The following KLF12 variants were observed in gnomAD, a reference collection of about 807,000 sequenced individuals.
KLF12 encodes the protein Krueppel-like factor 12.
In KLF12, 9 loss-of-function variants were observed where a neutral mutation model predicts 37.8. That is an observed-to-expected ratio of 0.24 (90% CI 0.14 to 0.42). The LOEUF (loss-of-function observed/expected upper bound fraction) is 0.42, where lower values mean the gene tolerates loss of function less well. KLF12 is among the 10% of genes least tolerant of loss of function. The pLI is 1.00. For missense variants in KLF12, 411 were observed against 516.0 expected (o/e 0.80, Z 1.97); for synonymous variants, 208 against 202.1 (o/e 1.03, Z -0.25).
In KLF12 at chr13:74,077,293, G is replaced by A. The variant is rs575749417; in HGVS notation, c.-32+56446C>T. Among the ~76,000 whole-genome samples the A allele has an allele frequency of 3.9e-5, 6 of 152,190 alleles. No homozygotes were observed. The South Asian group carries it at 1.2e-3, about 32-fold the overall frequency. The stretch of plus-strand genomic sequence containing the variant: ...GGGGACACATTCAAACTACAGCACT[G>A]TATTTGGACTATGAGTACTCCACAA... On this transcript the variant is annotated intron_variant, in intron 1 of 7. Transcript: ENST00000377669.
At chr13:74,190,841 C>A in the KLF12 span, among the ~76,000 whole-genome samples, 1 of 152,186 alleles carries the variant, frequency 6.6e-6, no homozygotes, top group Non-Finnish European at 1.5e-5. Context: ...TTCAATGTTT[C>A]AATGGCCATA....
intron 1 of KLF12, among the ~76,000 whole-genome samples, chr13:74,091,597 G>A (rs535817596): frequency 6.6e-6 from 1 of 152,266 alleles, no homozygotes; most frequent in African/African-American, 2.4e-5. Flanking sequence ...CATCTTGGTT[G>A]TTTCTAAACT....
intron 1 of KLF12, among the ~76,000 whole-genome samples, chr13:74,130,940 CAT>C (rs1309489033): frequency 6.6e-6 from 1 of 152,156 alleles, no homozygotes; most frequent in Non-Finnish European, 1.5e-5. Flanking sequence ...TTTGCAAAAA[CAT>C]AAAGTCCCAT....
upstream of KLF12, among the ~76,000 whole-genome samples, chr13:74,136,700 T>C (rs1011127014): frequency 1.4e-4 from 21 of 151,162 alleles, no homozygotes; most frequent in African/African-American, 5.1e-4. Flanking sequence ...GAAAACAAAC[T>C]ACAAGAATCC....
At chr13:74,077,415 C>T (rs1389187086) in intron 1 of KLF12, among the ~76,000 whole-genome samples, 2 of 152,202 alleles carry the variant, frequency 1.3e-5, no homozygotes, top group African/African-American at 4.8e-5. Flanking sequence ...TGGCTTCAAC[C>T]TGTAGCAAAA....
At chr13:74,017,205 A>C (rs1163234082) in intron 1 of KLF12, among the ~76,000 whole-genome samples, 1 of 148,870 alleles carries the variant, frequency 6.7e-6, no homozygotes, top group Non-Finnish European at 1.5e-5. Context: ...AGTGAACTAC[A>C]CTTTAGTCAA....
At chr13:74,003,401 TAGTC>T (rs1892330495) in intron 1 of KLF12, among the ~76,000 whole-genome samples, 2 of 152,302 alleles carry the variant, frequency 1.3e-5, no homozygotes, top group South Asian at 4.1e-4. Flanking sequence ...GTTAACATAT[TAGTC>T]AGCCCATCCA....
At chr13:73,869,923 G>A (rs536066279) in intron 3 of KLF12, among the ~76,000 whole-genome samples, 41 of 152,112 alleles carry the variant, frequency 2.7e-4, no homozygotes, top group Non-Finnish European at 5.4e-4. Context: ...AGAAGGCTCT[G>A]AGTAGAGCCA....
intron 2 of KLF12, among the ~76,000 whole-genome samples, chr13:73,965,310 A>G (rs1210448068): frequency 6.6e-6 from 1 of 152,230 alleles, no homozygotes; most frequent in Admixed American, 6.5e-5. Context: ...TACATATTTC[A>G]GACTAAAGAC....
chr13:73,950,426 T>A (rs1434200811), intron 2 of KLF12, among the ~76,000 whole-genome samples: 1 of 152,226 alleles, frequency 6.6e-6, no homozygotes, highest in Admixed American at 6.5e-5. Flanking sequence ...ACATCTGAGC[T>A]TCCGAATAAC....
chr13:74,133,176 C>T (rs1490776433), intron 1 of KLF12, among the ~76,000 whole-genome samples: 1 of 152,164 alleles, frequency 6.6e-6, no homozygotes, highest in African/African-American at 2.4e-5. Context: ...ACCAGGAGCA[C>T]TATTCATGCC....
intron 6 of KLF12, among the ~76,000 whole-genome samples, chr13:73,753,519 G>A (rs182483972): frequency 0.012 from 1,902 of 152,256 alleles, 32 homozygotes; most frequent in African/African-American, 0.042. Flanking sequence ...TACATGGTAA[G>A]AAGTGGGGGC....
At chr13:73,883,418 C>G (rs966758010) in intron 3 of KLF12, among the ~76,000 whole-genome samples, 1 of 152,210 alleles carries the variant, frequency 6.6e-6, no homozygotes, top group South Asian at 2.1e-4. Context: ...ATAAACGACA[C>G]GACATCCAAT....
Position 73,777,735 on chromosome 13 carries a change from C to T in KLF12, c.807-12735G>A, listed in dbSNP as rs1880704848. On this transcript the variant is annotated intron_variant, in intron 5 of 7. Transcript: ENST00000377669. ...AAAAAAAAAGAAAAAAAAAAGAATT[C>T]AATGGCAAACGGGTGTGCAAATGGA... 2.0e-5 allele frequency among the ~76,000 whole-genome samples: 3 copies of T among 151,080 alleles called. 1 individual carries two copies. The South Asian group carries it at 6.3e-4, about 32-fold the overall frequency.
intron 4 of KLF12, among the ~76,000 whole-genome samples, chr13:73,816,919 A>C (rs544749394): frequency 1.4e-4 from 22 of 152,346 alleles, no homozygotes; most frequent in Admixed American, 1.0e-3. Context: ...TACAGTCACC[A>C]GATGACTACA....
At chr13:73,927,362 CCT>C (rs2139260007) in intron 3 of KLF12, among the ~76,000 whole-genome samples, 1 of 152,138 alleles carries the variant, frequency 6.6e-6, no homozygotes, top group South Asian at 2.1e-4. Flanking sequence ...AGGAACGTAC[CCT>C]CTCTTACTGG....
At chr13:73,864,547 A>AT (rs1886082021) in intron 3 of KLF12, among the ~76,000 whole-genome samples, 4 of 152,150 alleles carry the variant, frequency 2.6e-5, no homozygotes, top group African/African-American at 9.6e-5. Context: ...ATGCATATTT[A>AT]TAAAAGACTG....
intron 2 of KLF12, among the ~76,000 whole-genome samples, chr13:73,945,873 C>T (rs1890400063): frequency 6.6e-6 from 1 of 152,154 alleles, no homozygotes; most frequent in Non-Finnish European, 1.5e-5. Context: ...GCAGAAGGAA[C>T]TGTGGTATAT....
At chr13:74,297,874 G>A in the KLF12 span, among the ~76,000 whole-genome samples, 1 of 152,118 alleles carries the variant, frequency 6.6e-6, no homozygotes, top group African/African-American at 2.4e-5. Flanking sequence ...TAATTTTTAT[G>A]TAATGTCAAA....
Sources: gnomAD v4.1 joint callset for allele counts (sites outside exome capture counted in the v4.1 genomes callset) on GRCh38, gnomAD v4.1.1 for gene constraint, MANE v1.5 for transcripts, NCBI Gene and HGNC (gene_info 2026-07-23, HGNC 2026-07-21) for gene names.